PROKR2: variants seen among roughly 807,000 people sequenced by gnomAD.
PROKR2 encodes the protein G protein-coupled receptor 73-like 1.
In PROKR2, 26 loss-of-function variants were observed where a neutral mutation model predicts 23.4. The observed-to-expected ratio is 1.11, with a 90% CI of 0.81 to 1.54. The LOEUF is 1.54. PROKR2 is among the 40% of genes most tolerant of loss of function. The pLI is 0.00. For missense variants in PROKR2, 453 were observed against 511.5 expected (o/e 0.89, Z 1.10); for synonymous variants, 212 against 201.2 (o/e 1.05, Z -0.45).
chr20:5,310,960 A>G (rs1034812895), intron 2 of PROKR2, among the ~76,000 whole-genome samples: 1 of 152,354 alleles, frequency 6.6e-6, no homozygotes, highest in East Asian at 1.9e-4. Flanking sequence ...ATTTAGAAAG[A>G]CAGCAAATTA....
At chr20:5,307,945 C>A (rs572438395) in intron 2 of PROKR2, among the ~76,000 whole-genome samples, 2 of 152,196 alleles carry the variant, frequency 1.3e-5, no homozygotes, top group Non-Finnish European at 2.9e-5. Flanking sequence ...CCACACCTGA[C>A]CTTAATGCCA....
At chr20:5,305,642 C>A (rs1325657871) in intron 2 of PROKR2, among the ~76,000 whole-genome samples, 1 of 151,720 alleles carries the variant, frequency 6.6e-6, no homozygotes, top group East Asian at 1.9e-4. Flanking sequence ...TTGGGTAAAT[C>A]AAATTACTGA....
rs755153779 is a variant in PROKR2 at position 5,302,494 on chromosome 20, C to T, written c.701G>A (p.Gly234Asp). The T allele has an allele frequency of 4.3e-6, 7 of 1,614,202 alleles. No homozygotes were observed. Among genetic ancestry groups the T allele is most frequent in the Non-Finnish European group, 5.9e-6 (7 of 1,180,036 alleles). ...GCACAGGGTCATGGTGACCACAGGGCCCACGAACTCGACACCAAAGATGAA... is the reference window on the plus strand; with the variant it reads ...GCACAGGGTCATGGTGACCACAGGGTCCACGAACTCGACACCAAAGATGAA... The part of the protein sequence containing the change: ...FLFIFGVEFV[G>D]PVVTMTLCYA... The change falls in exon 3 of 3, where the codon GGC becomes GAC. Residue 234 changes from glycine (G) to aspartate (D), a missense_variant. Coordinates refer to ENST00000678254, the MANE Select transcript of PROKR2 (RefSeq NM_144773.4).
rs149396342 is a variant in PROKR2, at chr20:5,313,967, G to A, written c.403C>T (p.Arg135Cys). The change falls in exon 2 of 3, where the codon CGC (arginine) becomes TGC (cysteine). Residue 135 changes from arginine to cysteine, a missense_variant. Transcript: ENST00000678254. The part of the protein sequence containing the change: ...HVLCASVNYL[R>C]TVSLYVSTNA... ...GTGGAGACGTAGAGGGAGACGGTGC[G>A]CAGGTAGTTGACGGAGGCACAGAGC... 75 of 1,614,102 alleles carry A rather than the reference G, an allele frequency of 4.6e-5. 1 individual carries two copies. The highest frequency in any genetic ancestry group is 6.7e-5 in the Admixed American group (4 of 60,006).
chr20:5,314,207 C>T lies in PROKR2; in HGVS notation c.163G>A (p.Val55Ile), dbSNP rs146963803. Residue 55 changes from valine (V) to isoleucine (I), a missense_variant, in exon 2 of 3, where the codon GTC becomes ATC. Coordinates refer to ENST00000678254, the MANE Select transcript of PROKR2 (RefSeq NM_144773.4). ...ATGCCTGCCAGTGCAATGCCAATGA[C>T]GATCTTGGCTGCGAAGAAGGTCCGG... is the stretch of plus-strand genomic sequence containing the variant. ...KTRTFFAAKIVIGIALAGIML... is the reference protein window; with the variant it reads ...KTRTFFAAKIIIGIALAGIML... The T allele has an allele frequency of 6.9e-5, 112 of 1,614,178 alleles. No individual in the cohort carries two copies. Among genetic ancestry groups the T allele is most frequent in the Non-Finnish European group, 8.6e-5 (102 of 1,180,014 alleles).
rs1979699235 is a variant in PROKR2 at position 5,316,810 on chromosome 20, T to A, written c.-325A>T. Among the ~76,000 whole-genome samples, 1 of 152,104 alleles carries A rather than the reference T, an allele frequency of 6.6e-6. No individual in the cohort carries two copies. Among genetic ancestry groups the A allele is most frequent in the Non-Finnish European group, 1.5e-5 (1 of 68,004 alleles). On this transcript the variant is annotated 5_prime_UTR_variant, in exon 1 of 3. Transcript: ENST00000678254. The surrounding 1 kb of genome is among the most constrained non-coding windows in gnomAD (Gnocchi z 5.0). ...CCTGCCTCCTAGTCCAGGCCAAGGGTGGATGCCCAGCTCCCCCACCCCACC... is the reference window on the plus strand; with the variant it reads ...CCTGCCTCCTAGTCCAGGCCAAGGGAGGATGCCCAGCTCCCCCACCCCACC...
rs1343504930 is a variant in PROKR2 at position 5,300,595 on chromosome 20, G to A, written c.*1445C>T. On this transcript the variant is annotated 3_prime_UTR_variant, in exon 3 of 3. Transcript: ENST00000678254. The stretch of plus-strand genomic sequence containing the variant: ...ATGGGCTCTCCCAACAGTCTTGCAA[G>A]GTATGAAGAGCGGATATTTTCATCA... Among the ~76,000 whole-genome samples, 1 of 152,190 alleles carries A rather than the reference G, an allele frequency of 6.6e-6. No homozygotes were observed. Among genetic ancestry groups the A allele is most frequent in the East Asian group, 1.9e-4 (1 of 5,202 alleles).
chr20:5,302,609 C>T lies in PROKR2; in HGVS notation c.586G>A (p.Val196Ile), dbSNP rs755987251. The T allele has an allele frequency of 1.8e-5, 29 of 1,614,162 alleles. No homozygotes were observed. Among genetic ancestry groups the T allele is most frequent in the South Asian group, 7.7e-5 (7 of 91,074 alleles). ...IPSAYFATET[V>I]LFIVKSQEKI... ...TCCTGGCTCTTGACAATAAAGAGGA[C>T]CGTTTCTGTTGCAAAGTAAGCCGAT... Residue 196 changes from valine (V) to isoleucine (I), a missense_variant, in exon 3 of 3, where the codon GTC (valine) becomes ATC (isoleucine). Coordinates refer to ENST00000678254, the MANE Select transcript of PROKR2 (RefSeq NM_144773.4).
intron 2 of PROKR2, among the ~76,000 whole-genome samples, chr20:5,306,750 T>C (rs144466670): frequency 0.041 from 6,270 of 152,272 alleles, 201 homozygotes; most frequent in Non-Finnish European, 0.063. Context: ...GATAAACAAC[T>C]GATGACAAAA....
intron 2 of PROKR2, among the ~76,000 whole-genome samples, chr20:5,303,363 G>A (rs1979085934): frequency 6.6e-6 from 1 of 152,182 alleles, no homozygotes; most frequent in Admixed American, 6.5e-5. Context: ...AGAGGCAGGA[G>A]AGTCAAGGTA....
rs1224434479 is a variant in PROKR2, at chr20:5,300,600, G to A, written c.*1440C>T. ...CTCTCCCAACAGTCTTGCAAGGTAT[G>A]AAGAGCGGATATTTTCATCATCGCC... On this transcript the variant is annotated 3_prime_UTR_variant, in exon 3 of 3. Coordinates refer to ENST00000678254, the MANE Select transcript of PROKR2 (RefSeq NM_144773.4). Among the ~76,000 whole-genome samples the A allele has an allele frequency of 6.6e-6, 1 of 152,212 alleles. No individual in the cohort carries two copies. Among genetic ancestry groups the A allele is most frequent in the East Asian group, 1.9e-4 (1 of 5,204 alleles).
At chr20:5,310,378 G>A in intron 2 of PROKR2, among the ~76,000 whole-genome samples, 1 of 152,074 alleles carries the variant, frequency 6.6e-6, no homozygotes, top group Non-Finnish European at 1.5e-5. Context: ...ATATTTCTCT[G>A]TAGTAGGACA....
Position 5,313,907 on chromosome 20 carries a change from C to T in PROKR2, c.458+5G>A. On this transcript the variant is annotated splice_donor_5th_base_variant and intron_variant, in intron 2 of 2. Transcript: ENST00000678254. ...CCCACCACTCACCCCACCCACCATCCTCACCTGTCAATGGCAATGGCCAGC... is the reference window on the plus strand; with the variant it reads ...CCCACCACTCACCCCACCCACCATCTTCACCTGTCAATGGCAATGGCCAGC... 6.2e-7 allele frequency: 1 copy of T among 1,613,658 alleles called. No homozygotes were observed. Among genetic ancestry groups the T allele is most frequent in the Non-Finnish European group, 8.5e-7 (1 of 1,179,576 alleles).
chr20:5,308,704 G>A (rs966964168), intron 2 of PROKR2, among the ~76,000 whole-genome samples: 3 of 152,116 alleles, frequency 2.0e-5, no homozygotes, highest in African/African-American at 7.2e-5. Flanking sequence ...GACCGAGCTG[G>A]TCTCAGCAGC....
At chr20:5,312,811 T>C (rs1356770244) in intron 2 of PROKR2, among the ~76,000 whole-genome samples, 1 of 152,236 alleles carries the variant, frequency 6.6e-6, no homozygotes, top group African/African-American at 2.4e-5. Flanking sequence ...GATGGCCCGA[T>C]GCTGGCCTGC....
intron 2 of PROKR2, among the ~76,000 whole-genome samples, chr20:5,304,070 CCTT>C (rs1435595125): frequency 2.6e-5 from 4 of 152,154 alleles, no homozygotes; most frequent in African/African-American, 9.7e-5. Context: ...TGCACCCCCT[CCTT>C]ATTATTTTGA....
In PROKR2 at chr20:5,314,198, T is replaced by C. The variant is rs778972307; in HGVS notation, c.172A>G (p.Ile58Val). Residue 58 changes from isoleucine to valine, a missense_variant, in exon 2 of 3, where the codon ATT becomes GTT. Coordinates refer to ENST00000678254, the MANE Select transcript of PROKR2 (RefSeq NM_144773.4). ...TFFAAKIVIG[I>V]ALAGIMLVCG... ...ACCAGCATGATGCCTGCCAGTGCAA[T>C]GCCAATGACGATCTTGGCTGCGAAG... The C allele has an allele frequency of 6.2e-7, 1 of 1,614,172 alleles. No individual in the cohort carries two copies. The highest frequency in any genetic ancestry group is 1.1e-5 in the South Asian group (1 of 91,088).
chr20:5,306,769 G>A (rs533244648), intron 2 of PROKR2, among the ~76,000 whole-genome samples: 2 of 152,156 alleles, frequency 1.3e-5, no homozygotes, highest in Non-Finnish European at 2.9e-5. Flanking sequence ...AAACAAAAAA[G>A]GGGGAGAAAT....
Position 5,313,806 on chromosome 20 carries a change from G to A in PROKR2, c.458+106C>T. On this transcript the variant is annotated intron_variant, in intron 2 of 2. Transcript: ENST00000678254. Reference sequence around the variant, plus strand: ...ACAAGACCTCCTCTTGCCCTCCAAAGATTGGTGAGCATTCCTATCTGGAGC... The same window carrying A: ...ACAAGACCTCCTCTTGCCCTCCAAAAATTGGTGAGCATTCCTATCTGGAGC... 3.1e-6 allele frequency: 3 copies of A among 970,030 alleles called. No homozygotes were observed. In the African/African-American group the frequency reaches 4.8e-5, roughly 16 times the overall value. 60.1% of individuals were successfully genotyped at this position (970,030 alleles called of 1,614,324 possible).
Sources: allele counts gnomAD v4.1 joint callset (sites outside exome capture counted in the v4.1 genomes callset), GRCh38; gene constraint gnomAD v4.1.1; non-coding constraint Gnocchi (gnomAD v3.1); transcripts MANE v1.5; gene names NCBI Gene and HGNC (gene_info 2026-07-23, HGNC 2026-07-21).